Variants in PISD observed in about 807,000 individuals in gnomAD.
PISD encodes phosphatidylserine decarboxylase proenzyme, mitochondrial.
A neutral mutation model predicts 43.5 loss-of-function variants in PISD; 31 were observed. The observed-to-expected ratio is 0.71, with a 90% CI of 0.54 to 0.96. PISD has a LOEUF of 0.96. Among genes scored for constraint, PISD ranks in the 40% least tolerant of loss-of-function variants. The pLI is 0.00. For synonymous variants in PISD, 259 were observed against 228.7 expected (o/e 1.13, Z -1.20); for missense variants, 523 against 548.4 (o/e 0.95, Z 0.46).
At chr22:31,655,544 C>T (rs2074146599) in intron 1 of PISD, among the ~76,000 whole-genome samples, 1 of 152,178 alleles carries the variant, frequency 6.6e-6, no homozygotes, top group African/African-American at 2.4e-5. Context: ...GTCTCAAACT[C>T]CTGGATTCAA....
intron 3 of PISD, among the ~76,000 whole-genome samples, chr22:31,635,236 C>T (rs1203749876): frequency 6.6e-6 from 1 of 152,166 alleles, no homozygotes; most frequent in Non-Finnish European, 1.5e-5. Context: ...TCATGCAGGG[C>T]TGCAGGTATC....
chr22:31,647,120 G>A (rs2073907874), intron 3 of PISD, among the ~76,000 whole-genome samples: 1 of 152,126 alleles, frequency 6.6e-6, no homozygotes, highest in South Asian at 2.1e-4. Flanking sequence ...ATTTTGGAAG[G>A]AAACCTATAA....
chr22:31,646,746 A>G (rs9619215), intron 3 of PISD, among the ~76,000 whole-genome samples: 12,318 of 152,210 alleles, frequency 0.081, 559 homozygotes, highest in African/African-American at 0.14. Flanking sequence ...ATCTAATGGA[A>G]AATGATGTTT....
At chr22:31,624,224 G>A (rs1401909091) in intron 3 of PISD, among the ~76,000 whole-genome samples, 3 of 152,182 alleles carry the variant, frequency 2.0e-5, no homozygotes, top group Admixed American at 1.3e-4. Context: ...CCAGGAAGGG[G>A]AGAGCAGGGT....
intron 3 of PISD, among the ~76,000 whole-genome samples, chr22:31,640,393 C>T (rs2073657319): frequency 6.6e-6 from 1 of 151,696 alleles, no homozygotes; most frequent in African/African-American, 2.4e-5. Flanking sequence ...GATGAGGTTT[C>T]ACCACGTTGC....
chr22:31,629,021 G>T (rs531166103), intron 3 of PISD: 2 of 985,260 alleles, frequency 2.0e-6, no homozygotes, highest in African/African-American at 3.5e-5. Flanking sequence ...CCGTATAGGG[G>T]GTAGGGGAAC....
chr22:31,634,894 C>T (rs1052959580), intron 3 of PISD, among the ~76,000 whole-genome samples: 3 of 148,920 alleles, frequency 2.0e-5, no homozygotes, highest in Admixed American at 6.8e-5. Context: ...AGGCCTGGCA[C>T]GGTGACTCAT....
chr22:31,640,705 C>T (rs377532341), intron 3 of PISD, among the ~76,000 whole-genome samples: 1 of 149,804 alleles, frequency 6.7e-6, no homozygotes. Context: ...CTCAGCCTCC[C>T]GAGTAGCAGG....
chr22:31,619,265 G>A lies in PISD; in HGVS notation c.*347C>T. 2.8e-6 allele frequency: 1 copy of A among 355,064 alleles called. No homozygotes were observed. The highest frequency in any genetic ancestry group is 5.5e-6 in the Non-Finnish European group (1 of 183,028). The allele number at this position is 355,064 out of a possible 1,614,324, so 22.0% of individuals were successfully genotyped here. On this transcript the variant is annotated 3_prime_UTR_variant, in exon 8 of 8. Coordinates refer to ENST00000439502, the MANE Select transcript of PISD (RefSeq NM_001326411.2). ...CAGGTGATGGGGGGAGGAGCAGCAA[G>A]AAAAAACGACAACCGAGACCAACTG... is the stretch of plus-strand genomic sequence containing the variant.
Position 31,618,502 on chromosome 22 carries a change from A to T in PISD, c.*1110T>A. On this transcript the variant is annotated 3_prime_UTR_variant, in exon 8 of 8. Coordinates refer to ENST00000439502, the MANE Select transcript of PISD (RefSeq NM_001326411.2). ...GGAACAGAACACAGTTTTAAGTTTGATTTTTTTTATTTCAAAATGCTTTGC... is the reference window on the plus strand; with the variant it reads ...GGAACAGAACACAGTTTTAAGTTTGTTTTTTTTTATTTCAAAATGCTTTGC... 7.8e-7 allele frequency: 1 copy of T among 1,280,876 alleles called. No homozygotes were observed. Among genetic ancestry groups the T allele is most frequent in the South Asian group, 1.9e-5 (1 of 53,592 alleles). The allele number at this position is 1,280,876 out of a possible 1,614,324, so 79.3% of individuals were successfully genotyped here.
intron 3 of PISD, chr22:31,632,171 T>C: frequency 1.1e-6 from 1 of 934,724 alleles, no homozygotes; most frequent in Non-Finnish European, 1.3e-6. Context: ...CCCATACACC[T>C]GTCGTCCTTA....
At position 31,618,617 on chromosome 22, in the gene PISD, T is replaced by C. The variant is rs987864017; in HGVS notation, c.*995A>G. On this transcript the variant is annotated 3_prime_UTR_variant, in exon 8 of 8. Coordinates refer to ENST00000439502, the MANE Select transcript of PISD (RefSeq NM_001326411.2). ...AGTTGAAAAAATTCAATGATGTCTC[T>C]CCTGCAGGAGAAATTCACAGCATCC... 2 of 485,280 alleles carry C rather than the reference T, an allele frequency of 4.1e-6. No individual in the cohort carries two copies. The highest frequency in any genetic ancestry group is 5.9e-5 in the South Asian group (1 of 16,960). The allele number at this position is 485,280 out of a possible 1,614,324, so 30.1% of individuals were successfully genotyped here.
chr22:31,649,952 C>A (rs746023131), intron 2 of PISD, among the ~76,000 whole-genome samples: 2 of 152,088 alleles, frequency 1.3e-5, no homozygotes, highest in Non-Finnish European at 2.9e-5. Flanking sequence ...AGGCAAGAGG[C>A]ATGGAACAGA....
Position 31,650,721 on chromosome 22 carries a change from C to T in PISD, c.123G>A (p.Leu41=). The change falls in exon 2 of 8, where the codon CTG becomes CTA. Residue 41 remains leucine, a synonymous_variant. Transcript: ENST00000439502. ...TACCTGTGCGAAAGGCTCTAAAAGG[C>T]AGCTTCCGTAAGGGCTGTAGGGATT... is the stretch of plus-strand genomic sequence containing the variant. ...LSQSLQPLRK[L]PFRAFRTDAR... is the part of the protein sequence containing the mutation. 6.4e-7 allele frequency: 1 copy of T among 1,554,294 alleles called. No homozygotes were observed. The highest frequency in any genetic ancestry group is 8.7e-7 in the Non-Finnish European group (1 of 1,148,506).
intron 3 of PISD, among the ~76,000 whole-genome samples, chr22:31,645,866 A>G (rs1307793415): frequency 7.3e-5 from 11 of 150,838 alleles, no homozygotes; most frequent in Non-Finnish European, 1.6e-4. Context: ...AAAAAAAAAA[A>G]AAAAGAAAAG....
intron 3 of PISD, among the ~76,000 whole-genome samples, chr22:31,646,934 A>T (rs1696284687): frequency 6.6e-6 from 1 of 152,152 alleles, no homozygotes; most frequent in Non-Finnish European, 1.5e-5. Context: ...GCCAAAGGGT[A>T]GGCACATGGA....
At chr22:31,628,240 G>A (rs2073014499) in intron 3 of PISD, 1 of 967,860 alleles carries the variant, frequency 1.0e-6, no homozygotes, top group Non-Finnish European at 1.2e-6. Flanking sequence ...GGCGCCTAGA[G>A]GTTGCTGCCT....
At chr22:31,629,253 G>C (rs1002736093) in intron 3 of PISD, 1 of 984,192 alleles carries the variant, frequency 1.0e-6, no homozygotes, top group Non-Finnish European at 1.2e-6. Context: ...GTGCATGTAG[G>C]TGGAAGTGTG....
intron 3 of PISD, 38 bp from the exon 4 acceptor site, chr22:31,621,923 T>C: frequency 6.8e-7 from 1 of 1,466,908 alleles, no homozygotes; most frequent in Non-Finnish European, 9.5e-7. Context: ...TTGACCACAC[T>C]GCCCCAGCTC....
Sources: allele counts gnomAD v4.1 joint callset (sites outside exome capture counted in the v4.1 genomes callset), GRCh38; gene constraint gnomAD v4.1.1; transcripts MANE v1.5; gene names NCBI Gene and HGNC (gene_info 2026-07-23, HGNC 2026-07-21).